The following PIK3AP1 variants were observed in gnomAD, a reference collection of about 807,000 sequenced individuals.
The protein encoded by PIK3AP1 is phosphoinositide-3-kinase adaptor protein 1, also known as phosphoinositide 3-kinase adapter protein 1.
PIK3AP1 carries 21 observed loss-of-function variants against 88.1 expected under a neutral mutation model. The observed-to-expected ratio is 0.24, with a 90% CI of 0.17 to 0.34. The LOEUF (loss-of-function observed/expected upper bound fraction) is 0.34, where lower values mean the gene tolerates loss of function less well. Among genes scored for constraint, PIK3AP1 ranks in the 10% least tolerant of loss-of-function variants. The pLI is 1.00. For synonymous variants in PIK3AP1, 398 were observed against 400.0 expected (o/e 1.00, Z 0.06); for missense variants, 828 against 1,035.7 (o/e 0.80, Z 2.75).
Position 96,604,344 on chromosome 10 carries a change from ATTTTTTTTTTTTTTTTTT to A in PIK3AP1, c.2171-313_2171-296del, listed in dbSNP as rs66487275. Among the ~76,000 whole-genome samples the A allele has an allele frequency of 5.5e-3, 423 of 77,142 alleles. 3 individuals are homozygous for A. The highest frequency in any genetic ancestry group is 7.0e-3 in the Non-Finnish European group (292 of 41,870). The allele number at this position is 77,142 out of a possible 152,430, so 50.6% of individuals were successfully genotyped here. A position where few individuals can be genotyped will look rare whatever the true frequency, so the allele number is the denominator to read the frequency against. On this transcript the variant is annotated intron_variant, in intron 14 of 16. Coordinates refer to ENST00000339364, the MANE Select transcript of PIK3AP1 (RefSeq NM_152309.3). ...AGGTGTGTGCCACCACACCTAGCCA[ATTTTTTTTTTTTTTTTTT>A]TTTTTTTTTTTTTTTTGTAGCAACA...
At chr10:96,666,568 TTAAATGTAATAAA>T (rs1843765946) in intron 2 of PIK3AP1, among the ~76,000 whole-genome samples, 1 of 152,120 alleles carries the variant, frequency 6.6e-6, no homozygotes, top group South Asian at 2.1e-4. Context: ...ACTATGAATT[TTAAATGTAATAAA>T]TATATGTATG....
chr10:96,602,770 C>T (rs184741754), intron 15 of PIK3AP1, among the ~76,000 whole-genome samples: 3 of 152,296 alleles, frequency 2.0e-5, no homozygotes, highest in Admixed American at 2.0e-4. Context: ...CTTGTCCCAG[C>T]CACTGGTCCC....
chr10:96,715,632 T>C (rs1306857519), intron 1 of PIK3AP1, among the ~76,000 whole-genome samples: 1 of 152,222 alleles, frequency 6.6e-6, no homozygotes, highest in Non-Finnish European at 1.5e-5. Flanking sequence ...GGCTCATGCC[T>C]GTAATCCTAG....
chr10:96,660,184 C>T (rs1030460799), intron 2 of PIK3AP1, among the ~76,000 whole-genome samples: 1 of 151,976 alleles, frequency 6.6e-6, no homozygotes, highest in African/African-American at 2.4e-5. Context: ...GATAAGCGAT[C>T]GTCTGGGAGA....
intron 2 of PIK3AP1, among the ~76,000 whole-genome samples, chr10:96,676,375 G>A (rs775856946): frequency 5.6e-4 from 84 of 150,594 alleles, no homozygotes; most frequent in Middle Eastern, 6.9e-3. Flanking sequence ...CTGGCCGGTG[G>A]CCCCTACATC....
intron 2 of PIK3AP1, among the ~76,000 whole-genome samples, chr10:96,691,473 T>C (rs1001452491): frequency 1.0e-5 from 1 of 95,876 alleles, no homozygotes; most frequent in Non-Finnish European, 1.9e-5. Context: ...GATTGTACAG[T>C]TGGGTTTTAT....
intron 2 of PIK3AP1, among the ~76,000 whole-genome samples, chr10:96,696,671 T>C (rs749552553): frequency 1.3e-5 from 2 of 152,202 alleles, no homozygotes; most frequent in Non-Finnish European, 1.5e-5. Context: ...ATGCAGACCA[T>C]AGTAAACAGT....
intron 2 of PIK3AP1, among the ~76,000 whole-genome samples, chr10:96,665,319 A>C (rs1843745977): frequency 6.6e-6 from 1 of 152,172 alleles, no homozygotes; most frequent in African/African-American, 2.4e-5. Flanking sequence ...CTCTTCAGAG[A>C]ACTTGAGTGC....
chr10:96,634,617 G>C (rs7069485), intron 8 of PIK3AP1, among the ~76,000 whole-genome samples: 50,761 of 151,964 alleles, frequency 0.33, 8,678 homozygotes, highest in Middle Eastern at 0.49. Flanking sequence ...GATGATCATT[G>C]GGGCCACAGG....
At chr10:96,612,655 CCTGAGG>C (rs1207051770) in intron 13 of PIK3AP1, among the ~76,000 whole-genome samples, 1 of 152,008 alleles carries the variant, frequency 6.6e-6, no homozygotes, top group Non-Finnish European at 1.5e-5. Flanking sequence ...CTTCTAATTG[CCTGAGG>C]CTGTTTCTCG....
In PIK3AP1 at chr10:96,720,355, G is replaced by A. The variant is rs1844555587; in HGVS notation, c.13+27C>T. 1.0e-5 allele frequency: 13 copies of A among 1,241,786 alleles called. No individual in the cohort carries two copies. The highest frequency in any genetic ancestry group is 4.1e-5 in the South Asian group (1 of 24,334). 76.9% of individuals were successfully genotyped at this position (1,241,786 alleles called of 1,614,324 possible). Reference sequence around the variant, plus strand: ...GGTACGAGAGAGGGGCCGGGAGCCCGGGGACCCGCGGCGCCTGCCTACCCA... The same window carrying A: ...GGTACGAGAGAGGGGCCGGGAGCCCAGGGACCCGCGGCGCCTGCCTACCCA... On this transcript the variant is annotated intron_variant, in intron 1 of 16. Transcript: ENST00000339364. The surrounding 1 kb of genome is among the most constrained non-coding windows in gnomAD (Gnocchi z 4.6).
chr10:96,692,338 G>A (rs1199722287), intron 2 of PIK3AP1, among the ~76,000 whole-genome samples: 1 of 152,198 alleles, frequency 6.6e-6, no homozygotes, highest in East Asian at 1.9e-4. Context: ...CGCTTTGGGA[G>A]GCCAAGGCAG....
At chr10:96,713,062 C>T (rs61856815) in intron 1 of PIK3AP1, among the ~76,000 whole-genome samples, 77,995 of 151,910 alleles carry the variant, frequency 0.51, 20,218 homozygotes, top group Middle Eastern at 0.64. Flanking sequence ...ATAAGAAGAA[C>T]CCTTAAGAGG....
intron 2 of PIK3AP1, among the ~76,000 whole-genome samples, chr10:96,682,516 T>G (rs999334837): frequency 6.6e-6 from 1 of 152,162 alleles, no homozygotes; most frequent in Non-Finnish European, 1.5e-5. Flanking sequence ...AAGGAAGAAA[T>G]CAAGGGAAAA....
chr10:96,608,698 C>T (rs1001316623), intron 14 of PIK3AP1, among the ~76,000 whole-genome samples: 1 of 152,192 alleles, frequency 6.6e-6, no homozygotes, highest in African/African-American at 2.4e-5. Flanking sequence ...TACACCTGTG[C>T]ATGTATCTGG....
chr10:96,644,024 G>C (rs1285191939), intron 8 of PIK3AP1, among the ~76,000 whole-genome samples: 2 of 152,232 alleles, frequency 1.3e-5, no homozygotes, highest in Non-Finnish European at 2.9e-5. Flanking sequence ...AAGCCTCTTA[G>C]AGGGCCTGCT....
intron 8 of PIK3AP1, among the ~76,000 whole-genome samples, chr10:96,642,688 C>A (rs1218290472): frequency 2.0e-5 from 3 of 152,158 alleles, no homozygotes; most frequent in African/African-American, 7.2e-5. Context: ...ACAAACCAGG[C>A]TAGCTCCAGA....
chr10:96,669,096 C>T (rs1397292174), intron 2 of PIK3AP1, among the ~76,000 whole-genome samples: 1 of 152,108 alleles, frequency 6.6e-6, no homozygotes, highest in African/African-American at 2.4e-5. Context: ...AGAACCACTG[C>T]ACTCCAGCCT....
chr10:96,612,978 ATATATTTTTTTTTTTTTTT>A (rs1849148008), intron 13 of PIK3AP1, among the ~76,000 whole-genome samples: 441 of 46,734 alleles, frequency 9.4e-3, no homozygotes, highest in South Asian at 0.034. Flanking sequence ...ATATATATAT[ATATATTTTTTTTTTTTTTT>A]TTTTTTTTTT....
Sources: gnomAD v4.1 joint callset for allele counts (sites outside exome capture counted in the v4.1 genomes callset) on GRCh38, gnomAD v4.1.1 for gene constraint, Gnocchi (gnomAD v3.1) non-coding constraint, MANE v1.5 for transcripts, NCBI Gene and HGNC (gene_info 2026-07-23, HGNC 2026-07-21) for gene names.